Variants in CCDC171 observed in about 807,000 individuals in gnomAD.
CCDC171 encodes the protein coiled-coil domain containing 171, also known as coiled-coil domain-containing protein 171.
CCDC171 carries 177 observed loss-of-function variants against 168.2 expected under a neutral mutation model. The ratio of observed to expected loss-of-function variants is 1.05; its 90% CI spans 0.93 to 1.19. CCDC171 has a LOEUF of 1.19. Among genes scored for constraint, CCDC171 ranks in the 50% most tolerant of loss-of-function variants. The pLI is 0.00. For missense variants in CCDC171, 1,991 were observed against 1,539.0 expected (o/e 1.29, Z -4.91); for synonymous variants, 687 against 540.8 (o/e 1.27, Z -3.75).
chr9:15,918,192 T>G (rs1354521413), intron 24 of CCDC171, among the ~76,000 whole-genome samples: 3 of 151,616 alleles, frequency 2.0e-5, no homozygotes, highest in East Asian at 3.9e-4. Context: ...AAGTATCTAC[T>G]CCATATGGTT....
chr9:15,879,250 C>T (rs76699007), intron 24 of CCDC171, among the ~76,000 whole-genome samples: 2,512 of 152,126 alleles, frequency 0.017, 96 homozygotes, highest in South Asian at 0.13. Context: ...ATATTTAATA[C>T]ACCTATATAT....
chr9:15,601,273 G>A (rs1190515962), intron 6 of CCDC171, among the ~76,000 whole-genome samples: 1 of 152,158 alleles, frequency 6.6e-6, no homozygotes. Flanking sequence ...GGCCATCTTG[G>A]CTCCACAGCC....
intron 23 of CCDC171, among the ~76,000 whole-genome samples, chr9:15,862,302 C>G (rs531198562): frequency 1.3e-5 from 2 of 151,430 alleles, no homozygotes; most frequent in African/African-American, 4.9e-5. Context: ...GGCCTATCTT[C>G]AAGTTCACCA....
intron 25 of CCDC171, among the ~76,000 whole-genome samples, chr9:15,963,154 G>C (rs780195993): frequency 6.6e-6 from 1 of 152,016 alleles, no homozygotes; most frequent in Non-Finnish European, 1.5e-5. Flanking sequence ...ACACAGGAAG[G>C]GGAACATCAC....
intron 3 of CCDC171, among the ~76,000 whole-genome samples, chr9:15,997,524 A>G (rs1025503371): frequency 6.6e-6 from 1 of 152,178 alleles, no homozygotes; most frequent in African/African-American, 2.4e-5. Context: ...GTTTCAGGGA[A>G]TAGCCCTTCC....
intron 6 of CCDC171, among the ~76,000 whole-genome samples, chr9:16,034,365 C>T (rs1472438378): frequency 6.6e-6 from 1 of 152,220 alleles, no homozygotes; most frequent in Admixed American, 6.5e-5. Flanking sequence ...TTGACACATT[C>T]TGCACATTCT....
At chr9:15,624,346 G>A (rs1338260753) in intron 7 of CCDC171, among the ~76,000 whole-genome samples, 1 of 151,866 alleles carries the variant, frequency 6.6e-6, no homozygotes, top group Non-Finnish European at 1.5e-5. Context: ...TAAGTTCTAG[G>A]GTACATGTGC....
At chr9:15,583,955 C>T (rs1441997264) in intron 4 of CCDC171, among the ~76,000 whole-genome samples, 1 of 152,116 alleles carries the variant, frequency 6.6e-6, no homozygotes, top group African/African-American at 2.4e-5. Flanking sequence ...GCAACCACCG[C>T]CTCCCGGGTT....
intron 21 of CCDC171, among the ~76,000 whole-genome samples, chr9:15,836,849 C>T (rs74406762): frequency 1.3e-5 from 2 of 152,304 alleles, no homozygotes; most frequent in Non-Finnish European, 1.5e-5. Flanking sequence ...ATCAGTGGAA[C>T]GGGAGAATAT....
intron 11 of CCDC171, 147 bp downstream of exon 11, chr9:15,695,484 G>GC: frequency 1.5e-6 from 1 of 661,738 alleles, no homozygotes; most frequent in Non-Finnish European, 2.7e-6. Flanking sequence ...ACAGCAGTCA[G>GC]TTGGCCTAGC....
At chr9:15,780,727 T>TC (rs1416292940) in intron 20 of CCDC171, among the ~76,000 whole-genome samples, 1 of 152,218 alleles carries the variant, frequency 6.6e-6, no homozygotes, top group African/African-American at 2.4e-5. Flanking sequence ...AATATATGTA[T>TC]ACATGTATGC....
chr9:15,868,391 G>A (rs1378943473), intron 23 of CCDC171, among the ~76,000 whole-genome samples: 3 of 151,822 alleles, frequency 2.0e-5, no homozygotes, highest in Non-Finnish European at 4.4e-5. Context: ...TGTGGTTTGG[G>A]GATCCTCCAT....
intron 7 of CCDC171, among the ~76,000 whole-genome samples, chr9:15,627,324 C>T (rs564879176): frequency 2.0e-5 from 3 of 151,770 alleles, no homozygotes; most frequent in African/African-American, 7.3e-5. Flanking sequence ...TCTTTCAGTT[C>T]TGCTCTGTTC....
intron 25 of CCDC171, among the ~76,000 whole-genome samples, chr9:15,950,695 C>T (rs900528397): frequency 6.6e-6 from 1 of 151,938 alleles, no homozygotes; most frequent in Non-Finnish European, 1.5e-5. Context: ...ACCATCGAGA[C>T]TAGGAAGACA....
chr9:16,046,605 C>T (rs992989808), intron 1 of CCDC171, among the ~76,000 whole-genome samples: 9 of 151,932 alleles, frequency 5.9e-5, no homozygotes, highest in Non-Finnish European at 8.8e-5. Flanking sequence ...TGGGAGGGAC[C>T]GGGTGGGAGA....
intron 6 of CCDC171, among the ~76,000 whole-genome samples, chr9:15,606,058 G>C (rs949855686): frequency 2.0e-5 from 3 of 152,088 alleles, no homozygotes; most frequent in African/African-American, 7.2e-5. Context: ...CGCAGTAAGA[G>C]ATTAACGATG....
chr9:15,986,289 G>A (rs888551987), intron 3 of CCDC171, among the ~76,000 whole-genome samples: 2 of 152,184 alleles, frequency 1.3e-5, no homozygotes, highest in Admixed American at 1.3e-4. Context: ...AACACAAGCT[G>A]ATAACTAGTG....
chr9:15,670,033 C>A (rs1564177586), intron 9 of CCDC171, among the ~76,000 whole-genome samples: 1 of 151,742 alleles, frequency 6.6e-6, no homozygotes, highest in Non-Finnish European at 1.5e-5. Context: ...CTCCTCTCTT[C>A]CCTTTCTTGC....
At chr9:16,107,272 C>A in the CCDC171 span, among the ~76,000 whole-genome samples, 124 of 152,244 alleles carry the variant, frequency 8.1e-4, no homozygotes, top group African/African-American at 2.9e-3. Flanking sequence ...ACCTTAGCCT[C>A]CTGAGTAGCT....
Sources: allele counts gnomAD v4.1 joint callset (sites outside exome capture counted in the v4.1 genomes callset), GRCh38; gene constraint gnomAD v4.1.1; transcripts MANE v1.5; gene names NCBI Gene and HGNC (gene_info 2026-07-23, HGNC 2026-07-21).